BRWD3: variants seen among roughly 807,000 people sequenced by gnomAD.
The protein encoded by BRWD3 is bromodomain and WD repeat domain containing 3.
A neutral mutation model predicts 149.7 loss-of-function variants in BRWD3; 10 were observed. The ratio of observed to expected loss-of-function variants is 0.07; its 90% confidence interval spans 0.04 to 0.11. BRWD3 has a LOEUF of 0.11. Ranked by LOEUF, BRWD3 falls within the 10% of genes least tolerant of loss-of-function variation. The probability of loss-of-function intolerance (pLI) is 1.00; values close to 1 mark genes in which losing one functional copy is unlikely to be tolerated. For synonymous variants in BRWD3, 504 were observed against 456.7 expected, an observed-to-expected ratio of 1.10 and a Z score of -1.32; for missense variants, 940 against 1,373.2, an observed-to-expected ratio of 0.68 and a Z score of 4.99.
chrX:80,706,847 T>C (rs1169588568), intron 22 of BRWD3, among the ~76,000 whole-genome samples: 1 of 112,747 alleles, frequency 8.9e-6, no homozygotes, highest in African/African-American at 3.2e-5. Context: ...CTGGGCAACA[T>C]AGCAAGACAC....
chrX:80,783,537 G>A (rs1442182098), intron 6 of BRWD3, among the ~76,000 whole-genome samples: 3 of 110,453 alleles, frequency 2.7e-5, no homozygotes, highest in Admixed American at 9.7e-5. Context: ...ACTAAAAATA[G>A]GACTACCATA....
chrX:80,808,414 G>A (rs746850659), intron 4 of BRWD3, 125 bp downstream of exon 4: 3 of 518,179 alleles, frequency 5.8e-6, no homozygotes, highest in East Asian at 4.1e-5. Context: ...AGGGGCAGTC[G>A]TTCTTTGGCT....
chrX:80,805,650 C>T (rs1257192499), intron 4 of BRWD3, among the ~76,000 whole-genome samples: 1 of 111,858 alleles, frequency 8.9e-6, no homozygotes, highest in Non-Finnish European at 1.9e-5. Flanking sequence ...AAATACCTAC[C>T]CCAGGCCGGG....
intron 6 of BRWD3, among the ~76,000 whole-genome samples, chrX:80,784,546 C>T (rs1452745335): frequency 9.0e-6 from 1 of 110,896 alleles, no homozygotes; most frequent in African/African-American, 3.3e-5. Context: ...CTTCCCTCAC[C>T]CCCACAAGAG....
Position 80,709,409 on chromosome X carries a change from A to G in BRWD3, c.2475+19T>C. On this transcript the variant is annotated intron_variant, in intron 21 of 40. Coordinates refer to ENST00000373275, the MANE Select transcript of BRWD3 (RefSeq NM_153252.5). Reference sequence around the variant, plus strand: ...GGAAACAAAAAACTACATCAAATAAATAATAGTATATATATAACCTCTGAA... The same window carrying G: ...GGAAACAAAAAACTACATCAAATAAGTAATAGTATATATATAACCTCTGAA... The G allele has an allele frequency of 4.2e-6, 5 of 1,187,739 alleles. No individual in the cohort carries two copies. The highest frequency in any genetic ancestry group is 5.7e-6 in the Non-Finnish European group (5 of 878,523).
chrX:80,708,022 C>T (rs2072893776), intron 21 of BRWD3, among the ~76,000 whole-genome samples: 1 of 111,726 alleles, frequency 9.0e-6, no homozygotes, highest in African/African-American at 3.3e-5. Context: ...CCAAAAAAAC[C>T]ATTTTAACCA....
rs2072327041 is a variant in BRWD3 at position 80,672,038 on chromosome X, G to A, written c.*4571C>T. The A allele has an allele frequency of 9.0e-6, 1 of 111,445 alleles. No individual in the cohort carries two copies. The highest frequency in any genetic ancestry group is 9.5e-5 in the Admixed American group (1 of 10,487). The allele number at this position is 111,445 out of a possible 1,213,427, so 9.2% of individuals were successfully genotyped here. A position where few individuals can be genotyped will look rare whatever the true frequency, so the allele number is the denominator to read the frequency against. ...CAATTACCAATGGTGGTTTCATTAT[G>A]TATCAATAGTCTTATTTTTTAAGAA... On this transcript the variant is annotated 3_prime_UTR_variant, in exon 41 of 41. Transcript: ENST00000373275.
At chrX:80,695,829 T>C in intron 27 of BRWD3, 79 bp downstream of exon 27, 2 of 843,202 alleles carry the variant, frequency 2.4e-6, no homozygotes, top group East Asian at 3.2e-5. Context: ...TAAGCTACTT[T>C]CTTTCTGTTA....
chrX:80,795,343 GTATA>G (rs1300428235), intron 4 of BRWD3, among the ~76,000 whole-genome samples: 1 of 108,212 alleles, frequency 9.2e-6, no homozygotes, highest in African/African-American at 3.4e-5. Flanking sequence ...CTATAATTGT[GTATA>G]TATATACACA....
intron 25 of BRWD3, among the ~76,000 whole-genome samples, chrX:80,699,244 T>C (rs941536639): frequency 9.1e-6 from 1 of 110,486 alleles, no homozygotes; most frequent in Non-Finnish European, 1.9e-5. Flanking sequence ...TAAATAAATA[T>C]ACATATTCTC....
chrX:80,672,043 AAT>A lies in BRWD3; in HGVS notation c.*4564_*4565del, dbSNP rs913036163. 4 of 111,665 alleles carry A rather than the reference AAT, an allele frequency of 3.6e-5. No homozygotes were observed. The highest frequency in any genetic ancestry group is 6.5e-5 in the African/African-American group (2 of 30,740). 9.2% of individuals were successfully genotyped at this position (111,665 alleles called of 1,213,427 possible). A position where few individuals can be genotyped will look rare whatever the true frequency, so the allele number is the denominator to read the frequency against. On this transcript the variant is annotated 3_prime_UTR_variant, in exon 41 of 41. Coordinates refer to ENST00000373275, the MANE Select transcript of BRWD3 (RefSeq NM_153252.5). Reference sequence around the variant, plus strand: ...ACCAATGGTGGTTTCATTATGTATCAATAGTCTTATTTTTTAAGAAAATACTT... The same window carrying A: ...ACCAATGGTGGTTTCATTATGTATCAAGTCTTATTTTTTAAGAAAATACTT...
chrX:80,798,906 A>T (rs1291563069), intron 4 of BRWD3, among the ~76,000 whole-genome samples: 1 of 112,371 alleles, frequency 8.9e-6, no homozygotes, highest in Non-Finnish European at 1.9e-5. Flanking sequence ...CTTACAGAAG[A>T]GAAAACAGAT....
intron 14 of BRWD3, among the ~76,000 whole-genome samples, chrX:80,725,776 A>G (rs2073212611): frequency 9.3e-6 from 1 of 107,706 alleles, no homozygotes; most frequent in South Asian, 4.1e-4. Flanking sequence ...CATGTGTTAC[A>G]TGCCTATATA....
intron 4 of BRWD3, among the ~76,000 whole-genome samples, chrX:80,805,487 A>G (rs1346966426): frequency 9.0e-6 from 1 of 111,212 alleles, no homozygotes; most frequent in African/African-American, 3.3e-5. Flanking sequence ...TCATACCCCA[A>G]TACACCTTAA....
At chrX:80,712,455 A>G (rs937075114) in intron 20 of BRWD3, among the ~76,000 whole-genome samples, 6 of 110,279 alleles carry the variant, frequency 5.4e-5, no homozygotes, top group Admixed American at 1.9e-4. Flanking sequence ...TCAGTGCTCA[A>G]TGGTGCCCAG....
At chrX:80,785,433 T>TA (rs2074098370) in intron 6 of BRWD3, among the ~76,000 whole-genome samples, 1 of 112,276 alleles carries the variant, frequency 8.9e-6, no homozygotes, top group East Asian at 2.8e-4. Flanking sequence ...AGTGTTACAG[T>TA]AGTTAGTGTG....
chrX:80,678,089 T>A, intron 40 of BRWD3, among the ~76,000 whole-genome samples: 1 of 111,703 alleles, frequency 9.0e-6, no homozygotes, highest in East Asian at 2.8e-4. Flanking sequence ...TAAAATAGTA[T>A]GGTTGCTGTA....
chrX:80,706,128 GAC>G (rs2072860240), intron 22 of BRWD3, among the ~76,000 whole-genome samples: 1 of 108,665 alleles, frequency 9.2e-6, no homozygotes, highest in African/African-American at 3.4e-5. Flanking sequence ...TTTTCCTTGA[GAC>G]AGAGTTTCAC....
At chrX:80,753,295 G>C (rs2073694737) in intron 6 of BRWD3, among the ~76,000 whole-genome samples, 1 of 103,235 alleles carries the variant, frequency 9.7e-6, no homozygotes, top group South Asian at 4.5e-4. Context: ...TTTTTAGATG[G>C]AGTTTCACTC....
Sources: gnomAD v4.1 joint callset for allele counts (sites outside exome capture counted in the v4.1 genomes callset) on GRCh38, gnomAD v4.1.1 for gene constraint, MANE v1.5 for transcripts, NCBI Gene and HGNC (gene_info 2026-07-23, HGNC 2026-07-21) for gene names.